PTPRK: variants seen among roughly 807,000 people sequenced by gnomAD.
The protein encoded by PTPRK is receptor-type tyrosine-protein phosphatase kappa.
Under a neutral mutation model 178.0 loss-of-function variants are expected in PTPRK, and 75 were observed. That is an observed-to-expected ratio of 0.42 (90% CI 0.35 to 0.51). The LOEUF is 0.51. Among genes scored for constraint, PTPRK ranks in the 20% least tolerant of loss-of-function variants. The pLI is 0.02. For synonymous variants in PTPRK, 637 were observed against 620.6 expected (o/e 1.03, Z -0.39); for missense variants, 1,441 against 1,797.8 (o/e 0.80, Z 3.59).
intron 13 of PTPRK, among the ~76,000 whole-genome samples, chr6:128,050,364 C>T (rs78638471): frequency 2.3e-3 from 352 of 152,210 alleles, no homozygotes; most frequent in African/African-American, 8.3e-3. Context: ...AACCAAATTC[C>T]GTTTCATATT....
At chr6:128,503,791 G>A (rs1323457255) in intron 1 of PTPRK, among the ~76,000 whole-genome samples, 2 of 151,310 alleles carry the variant, frequency 1.3e-5, no homozygotes, top group Non-Finnish European at 2.9e-5. Context: ...TCCAGCCTCA[G>A]CCTCCAAAAT....
At chr6:128,088,462 AG>A (rs1786355815) in intron 8 of PTPRK, among the ~76,000 whole-genome samples, 1 of 152,070 alleles carries the variant, frequency 6.6e-6, no homozygotes, top group South Asian at 2.1e-4. Flanking sequence ...GGAACCTCAG[AG>A]ATCACTTAAT....
intron 10 of PTPRK, among the ~76,000 whole-genome samples, chr6:128,081,605 A>G (rs2114996601): frequency 6.6e-6 from 1 of 152,160 alleles, no homozygotes; most frequent in African/African-American, 2.4e-5. Flanking sequence ...GAACAAAAAG[A>G]ATTAACAAAG....
At chr6:128,207,220 A>G (rs146319817) in intron 6 of PTPRK, among the ~76,000 whole-genome samples, 70 of 152,226 alleles carry the variant, frequency 4.6e-4, no homozygotes, top group African/African-American at 1.4e-3. Flanking sequence ...CTCTCACATT[A>G]CTGCTCCTTG....
intron 3 of PTPRK, among the ~76,000 whole-genome samples, chr6:128,317,774 T>C (rs1466014957): frequency 6.6e-6 from 1 of 152,096 alleles, no homozygotes; most frequent in Non-Finnish European, 1.5e-5. Flanking sequence ...TACAACACTC[T>C]CTTTATTATC....
Position 128,174,981 on chromosome 6 carries a change from G to C in PTPRK, c.1162+9451C>G, listed in dbSNP as rs553725021. Reference sequence around the variant, plus strand: ...TTTGCATTTATGAGTTTACACTAGTGCCTGACACACAGCAATTACTCAGTA... The same window carrying C: ...TTTGCATTTATGAGTTTACACTAGTCCCTGACACACAGCAATTACTCAGTA... On this transcript the variant is annotated intron_variant, in intron 7 of 29. Coordinates refer to ENST00000368226, the MANE Select transcript of PTPRK (RefSeq NM_002844.4). Among the ~76,000 whole-genome samples the C allele has an allele frequency of 1.8e-4, 28 of 151,956 alleles. No homozygotes were observed. In the South Asian group the frequency reaches 3.9e-3, roughly 21 times the overall value.
chr6:128,382,315 G>T (rs1838052027), intron 2 of PTPRK, among the ~76,000 whole-genome samples: 1 of 150,726 alleles, frequency 6.6e-6, no homozygotes, highest in Admixed American at 6.6e-5. Flanking sequence ...TTCTATTATA[G>T]AATACTATCT....
At position 128,012,902 on chromosome 6, in the gene PTPRK, C is replaced by T. The variant is rs566123513; in HGVS notation, c.2195-3634G>A. ...GTCACTCAAATTCTGCAAATCCTCC[C>T]GGCATTTCATTAGTGCTTTCTTTCT... On this transcript the variant is annotated intron_variant, in intron 13 of 29. Transcript: ENST00000368226. Among the ~76,000 whole-genome samples, 11 of 151,168 alleles carry T rather than the reference C, an allele frequency of 7.3e-5. No individual in the cohort carries two copies. In the East Asian group the frequency reaches 1.4e-3, roughly 19 times the overall value.
intron 5 of PTPRK, chr6:128,238,320 T>C: frequency 5.8e-6 from 2 of 342,022 alleles, no homozygotes; most frequent in Non-Finnish European, 1.1e-5. Flanking sequence ...AAAACCATCA[T>C]GAAATGGACT....
chr6:128,152,848 A>C (rs1362297808), intron 7 of PTPRK, among the ~76,000 whole-genome samples: 1 of 152,002 alleles, frequency 6.6e-6, no homozygotes, highest in Non-Finnish European at 1.5e-5. Flanking sequence ...GTGACTCACA[A>C]AGGGGGAGCA....
At chr6:128,263,899 G>A (rs1010723881) in intron 3 of PTPRK, among the ~76,000 whole-genome samples, 4 of 152,164 alleles carry the variant, frequency 2.6e-5, no homozygotes, top group African/African-American at 9.7e-5. Context: ...ATCTAAGTGA[G>A]AGACCACCAC....
chr6:128,039,909 G>A (rs1776886472), intron 13 of PTPRK, among the ~76,000 whole-genome samples: 1 of 152,128 alleles, frequency 6.6e-6, no homozygotes, highest in Non-Finnish European at 1.5e-5. Context: ...AGCGCCTGGT[G>A]GAAGAGTTAG....
At chr6:128,397,249 G>C (rs897963690) in intron 2 of PTPRK, among the ~76,000 whole-genome samples, 1 of 151,870 alleles carries the variant, frequency 6.6e-6, no homozygotes, top group Admixed American at 6.6e-5. Flanking sequence ...CCACATTTGA[G>C]AATTTTTTGG....
At chr6:128,241,308 G>A (rs754717649) in intron 4 of PTPRK, 1 of 533,098 alleles carries the variant, frequency 1.9e-6, no homozygotes, top group Non-Finnish European at 3.8e-6. Context: ...CTCTAGACCA[G>A]CAACATCAGC....
intron 1 of PTPRK, among the ~76,000 whole-genome samples, chr6:128,411,005 C>T (rs1026828323): frequency 3.9e-5 from 6 of 152,204 alleles, no homozygotes; most frequent in African/African-American, 1.4e-4. Context: ...GATCCTCCTG[C>T]CTCAGACTCC....
chr6:128,310,994 TA>T (rs1008925741), intron 3 of PTPRK, among the ~76,000 whole-genome samples: 5 of 152,114 alleles, frequency 3.3e-5, no homozygotes, highest in South Asian at 4.1e-4. Flanking sequence ...GCTTTTATTA[TA>T]AGGGAAAGTT....
intron 2 of PTPRK, among the ~76,000 whole-genome samples, chr6:128,331,322 C>A (rs542275860): frequency 6.6e-6 from 1 of 152,240 alleles, no homozygotes; most frequent in South Asian, 2.1e-4. Context: ...GTCTGTGCAT[C>A]CCCAAAACCC....
At chr6:128,392,506 G>A (rs146712451) in intron 2 of PTPRK, among the ~76,000 whole-genome samples, 82 of 152,248 alleles carry the variant, frequency 5.4e-4, no homozygotes, top group African/African-American at 1.9e-3. Context: ...TGAGATGTCA[G>A]TCACAATCCC....
At chr6:128,192,869 G>A (rs968256233) in intron 6 of PTPRK, among the ~76,000 whole-genome samples, 16 of 146,836 alleles carry the variant, frequency 1.1e-4, no homozygotes, top group East Asian at 2.0e-4. Context: ...TGGAGGAAGC[G>A]GGGAGGGGAG....
Sources: allele counts gnomAD v4.1 joint callset (sites outside exome capture counted in the v4.1 genomes callset), GRCh38; gene constraint gnomAD v4.1.1; transcripts MANE v1.5; gene names NCBI Gene and HGNC (gene_info 2026-07-23, HGNC 2026-07-21).